IL13RA1: variants seen among roughly 807,000 people sequenced by gnomAD.
IL13RA1 encodes the protein interleukin-13 receptor subunit alpha-1.
A neutral mutation model predicts 33.8 loss-of-function variants in IL13RA1; 14 were observed. That is an observed-to-expected ratio of 0.41 (90% CI 0.27 to 0.65). The LOEUF is 0.65. Among genes scored for constraint, IL13RA1 ranks in the 30% least tolerant of loss-of-function variants. The pLI, the probability that IL13RA1 is intolerant of heterozygous loss-of-function variation, is 0.28. For synonymous variants in IL13RA1, 116 were observed against 115.7 expected, an observed-to-expected ratio of 1.00 and a Z score of -0.02; for missense variants, 313 against 327.0, an observed-to-expected ratio of 0.96 and a Z score of 0.33.
intron 10 of IL13RA1, among the ~76,000 whole-genome samples, chrX:118,777,378 C>T (rs2017798065): frequency 9.0e-6 from 1 of 111,544 alleles, no homozygotes; most frequent in Non-Finnish European, 1.9e-5. Context: ...TGAAGGAGAG[C>T]TGATTTAAAA....
chrX:118,732,452 G>A (rs1247604115), intron 1 of IL13RA1, among the ~76,000 whole-genome samples: 1 of 109,682 alleles, frequency 9.1e-6, no homozygotes. Flanking sequence ...ATTGCACAAC[G>A]TGCAGGTTTG....
At chrX:118,727,786 G>C (rs2017170602) in intron 1 of IL13RA1, 60 bp downstream of exon 1, 2 of 534,422 alleles carry the variant, frequency 3.7e-6, no homozygotes, top group Admixed American at 6.5e-5. Context: ...TGAGGGTCAC[G>C]GCTGAAAGGC....
At chrX:118,732,769 G>A (rs2017237302) in intron 1 of IL13RA1, among the ~76,000 whole-genome samples, 1 of 112,117 alleles carries the variant, frequency 8.9e-6, no homozygotes, top group South Asian at 3.7e-4. Context: ...ATTCCATGGT[G>A]TATATGTGCC....
At chrX:118,761,456 G>T in intron 6 of IL13RA1, 167 bp downstream of exon 6, 1 of 327,095 alleles carries the variant, frequency 3.1e-6, no homozygotes. Context: ...GAAGATTTAT[G>T]GTATGATAGT....
chrX:118,774,475 A>G (rs1357162670), intron 9 of IL13RA1, among the ~76,000 whole-genome samples: 1 of 112,078 alleles, frequency 8.9e-6, no homozygotes, highest in Non-Finnish European at 1.9e-5. Context: ...AATGAAAACC[A>G]TGTTGGATTA....
At chrX:118,773,128 A>AT (rs1339470630) in intron 8 of IL13RA1, among the ~76,000 whole-genome samples, 3 of 112,235 alleles carry the variant, frequency 2.7e-5, no homozygotes, top group South Asian at 3.7e-4. Flanking sequence ...AGTTTACTAC[A>AT]TTTTTTACTA....
intron 1 of IL13RA1, 127 bp downstream of exon 1, chrX:118,727,853 C>T (rs984597212): frequency 3.8e-6 from 1 of 261,324 alleles, no homozygotes; most frequent in African/African-American, 2.9e-5. Context: ...GGGGGCTGCC[C>T]TCGCGAGGCC....
intron 8 of IL13RA1, among the ~76,000 whole-genome samples, chrX:118,772,793 T>A (rs1432810928): frequency 8.9e-6 from 1 of 112,117 alleles, no homozygotes; most frequent in African/African-American, 3.2e-5. Context: ...AAATATTGGA[T>A]TGTATTGGAT....
At chrX:118,803,474 C>T in the IL13RA1 span, among the ~76,000 whole-genome samples, 1 of 112,348 alleles carries the variant, frequency 8.9e-6, no homozygotes, top group East Asian at 2.8e-4. Flanking sequence ...TCTCTACAAA[C>T]TAAGGACCCT....
At chrX:118,759,931 C>G (rs1042820584) in intron 5 of IL13RA1, among the ~76,000 whole-genome samples, 2 of 110,895 alleles carry the variant, frequency 1.8e-5, no homozygotes, top group African/African-American at 6.6e-5. Context: ...TGCCACCACG[C>G]CAGGCTAATT....
intron 8 of IL13RA1, chrX:118,770,631 G>A: frequency 4.7e-6 from 2 of 426,670 alleles, no homozygotes; most frequent in Admixed American, 2.7e-5. Flanking sequence ...CTGGGCTGCC[G>A]CGGTGTGTCT....
At position 118,737,410 on chromosome X, in the gene IL13RA1, ACT is replaced by A. The variant is rs767167618; in HGVS notation, c.89-3604_89-3603del. 5.3e-5 allele frequency among the ~76,000 whole-genome samples: 6 copies of A among 112,202 alleles called. No homozygotes were observed. In the South Asian group the frequency reaches 2.2e-3, roughly 41 times the overall value. Reference sequence around the variant, plus strand: ...CTTCCAAAATTGTTACATCAAACAGACTCTGCCACTACCATTGTTATCTAGGT... The same window carrying A: ...CTTCCAAAATTGTTACATCAAACAGACTGCCACTACCATTGTTATCTAGGT... On this transcript the variant is annotated intron_variant, in intron 1 of 10. Coordinates refer to ENST00000371666, the MANE Select transcript of IL13RA1 (RefSeq NM_001560.3).
Position 118,743,169 on chromosome X carries a change from G to A in IL13RA1, c.228+2013G>A, listed in dbSNP as rs182097735. 3.8e-3 allele frequency among the ~76,000 whole-genome samples: 425 copies of A among 111,678 alleles called. 1 individual carries two copies. Among genetic ancestry groups the A allele is most frequent in the African/African-American group, 0.013 (408 of 30,761 alleles). On this transcript the variant is annotated intron_variant, in intron 2 of 10. Transcript: ENST00000371666. The stretch of plus-strand genomic sequence containing the variant: ...TGGACCTTTTTCAAGTTTATCATCA[G>A]GAGGCTGAAAATGAATGGCAGAAGT...
At chrX:118,736,534 T>C (rs1027760292) in intron 1 of IL13RA1, among the ~76,000 whole-genome samples, 4 of 111,895 alleles carry the variant, frequency 3.6e-5, no homozygotes, top group African/African-American at 1.3e-4. Context: ...TCTTCTCAGG[T>C]TTTTTTCTGG....
the IL13RA1 span, among the ~76,000 whole-genome samples, chrX:118,803,484 T>A: frequency 8.9e-6 from 1 of 112,343 alleles, no homozygotes; most frequent in African/African-American, 3.2e-5. Flanking sequence ...CTAAGGACCC[T>A]TTTTGTTTTA....
intron 8 of IL13RA1, among the ~76,000 whole-genome samples, chrX:118,772,221 A>G (rs1028989532): frequency 8.9e-6 from 1 of 112,615 alleles, no homozygotes; most frequent in Non-Finnish European, 1.9e-5. Context: ...AGTCACATCT[A>G]TGTCTCCTGG....
downstream of IL13RA1, among the ~76,000 whole-genome samples, chrX:118,796,779 G>T (rs903422780): frequency 1.8e-4 from 20 of 112,257 alleles, no homozygotes; most frequent in Admixed American, 3.7e-4. Flanking sequence ...CAGGTGATCC[G>T]CCCGCCTCGG....
intron 1 of IL13RA1, among the ~76,000 whole-genome samples, chrX:118,727,941 A>G (rs1310167117): frequency 9.0e-6 from 1 of 111,689 alleles, no homozygotes; most frequent in Non-Finnish European, 1.9e-5. Flanking sequence ...GGGACCCGGG[A>G]GCTGCGGGGT....
intron 10 of IL13RA1, among the ~76,000 whole-genome samples, chrX:118,787,137 G>T (rs1038077263): frequency 2.8e-4 from 31 of 111,172 alleles, no homozygotes; most frequent in Non-Finnish European, 5.1e-4. Flanking sequence ...CTTTCCTATT[G>T]GGGGAACCAG....
Sources: allele counts gnomAD v4.1 joint callset (sites outside exome capture counted in the v4.1 genomes callset), GRCh38; gene constraint gnomAD v4.1.1; transcripts MANE v1.5; gene names NCBI Gene and HGNC (gene_info 2026-07-23, HGNC 2026-07-21).